The following CFAP299 variants were observed in gnomAD, a reference collection of about 807,000 sequenced individuals.
CFAP299 encodes the protein cilia and flagella associated protein 299.
CFAP299 carries 21 observed loss-of-function variants against 27.0 expected under a neutral mutation model. The observed-to-expected ratio is 0.78, with a 90% CI of 0.55 to 1.12. The LOEUF is 1.12. CFAP299 is among the 50% of genes most tolerant of loss of function. The pLI is 0.00. For missense variants in CFAP299, 310 were observed against 276.6 expected (o/e 1.12, Z -0.86); for synonymous variants, 104 against 98.1 (o/e 1.06, Z -0.36).
intron 2 of CFAP299, among the ~76,000 whole-genome samples, chr4:80,545,934 A>AAG (rs1474378303): frequency 6.7e-6 from 1 of 148,904 alleles, no homozygotes; most frequent in African/African-American, 2.4e-5. Context: ...CCTTGGATGA[A>AAG]AGATCGGTTC....
rs756899247 is a variant in CFAP299 at position 80,887,989 on chromosome 4, T to TA, written c.476+17861dup. On this transcript the variant is annotated intron_variant, in intron 4 of 5. Transcript: ENST00000358105. The stretch of plus-strand genomic sequence containing the variant: ...ATCATACAATGGGCATATAAAAAAA[T>TA]AAAAAAATAGGAAAGTAAAGTATAT... Among the ~76,000 whole-genome samples, 14 of 151,320 alleles carry TA rather than the reference T, an allele frequency of 9.3e-5. No homozygotes were observed. In the South Asian group the frequency reaches 2.7e-3, roughly 29 times the overall value.
At chr4:80,935,064 A>C (rs912650481) in intron 4 of CFAP299, among the ~76,000 whole-genome samples, 1 of 151,916 alleles carries the variant, frequency 6.6e-6, no homozygotes, top group East Asian at 1.9e-4. Flanking sequence ...TTGGTATAGC[A>C]TGTTTCCATT....
chr4:80,382,008 G>A (rs1724725718), intron 2 of CFAP299, among the ~76,000 whole-genome samples: 1 of 152,140 alleles, frequency 6.6e-6, no homozygotes, highest in Admixed American at 6.6e-5. Context: ...TTTAAAAGAT[G>A]GAGAGAAAGA....
At chr4:80,785,301 T>C (rs1375175215) in intron 3 of CFAP299, among the ~76,000 whole-genome samples, 3 of 152,144 alleles carry the variant, frequency 2.0e-5, no homozygotes, top group Non-Finnish European at 4.4e-5. Flanking sequence ...ACTATGATTA[T>C]ACTTTCATGG....
chr4:80,753,545 A>T (rs74570030), intron 3 of CFAP299, among the ~76,000 whole-genome samples: 1,643 of 152,140 alleles, frequency 0.011, 31 homozygotes, highest in African/African-American at 0.036. Flanking sequence ...TAATTTTGGA[A>T]AATTCTCAGC....
intron 3 of CFAP299, among the ~76,000 whole-genome samples, chr4:80,681,044 A>G (rs1307711682): frequency 6.6e-6 from 1 of 152,106 alleles, no homozygotes; most frequent in Admixed American, 6.6e-5. Context: ...AGGCAAGGGA[A>G]GAAGGCTTTT....
At position 80,799,503 on chromosome 4, in the gene CFAP299, T is replaced by A. The variant is rs866916153; in HGVS notation, c.334-70490T>A. Among the ~76,000 whole-genome samples the A allele has an allele frequency of 1.4e-3, 110 of 81,112 alleles. 2 individuals are homozygous for A. Among genetic ancestry groups the A allele is most frequent in the African/African-American group, 4.3e-3 (86 of 20,132 alleles). The allele number at this position is 81,112 out of a possible 152,430, so 53.2% of individuals were successfully genotyped here. On this transcript the variant is annotated intron_variant, in intron 3 of 5. Transcript: ENST00000358105. ...TTTATTAAATATATATAATATATTTTATAAATGTATATTTATATAATATAT... is the reference window on the plus strand; with the variant it reads ...TTTATTAAATATATATAATATATTTAATAAATGTATATTTATATAATATAT...
Position 80,558,036 on chromosome 4 carries a change from C to T in CFAP299, c.243-25057C>T, listed in dbSNP as rs567998496. 2.6e-5 allele frequency among the ~76,000 whole-genome samples: 4 copies of T among 152,222 alleles called. No individual in the cohort carries two copies. In the East Asian group the frequency reaches 7.7e-4, roughly 29 times the overall value. The stretch of plus-strand genomic sequence containing the variant: ...GAAAGCCTCACATTTTTTATTACTA[C>T]TTACTCCAAGTGAATGTCACTTAAT... On this transcript the variant is annotated intron_variant, in intron 2 of 5. Transcript: ENST00000358105.
intron 3 of CFAP299, among the ~76,000 whole-genome samples, chr4:80,751,351 GGT>G (rs1724918612): frequency 6.6e-6 from 1 of 152,114 alleles, no homozygotes; most frequent in African/African-American, 2.4e-5. Context: ...TGGTAGAGCT[GGT>G]GTGCTATGTT....
At chr4:80,909,843 A>G (rs1210546327) in intron 4 of CFAP299, among the ~76,000 whole-genome samples, 1 of 152,158 alleles carries the variant, frequency 6.6e-6, no homozygotes, top group Admixed American at 6.5e-5. Context: ...TTTTTCTGAA[A>G]CAAGCTTGCA....
At position 80,938,626 on chromosome 4, in the gene CFAP299, T is replaced by C. The variant is rs187742089; in HGVS notation, c.477-6184T>C. ...ACCCCTGATTTCCCACTCCACACCT[T>C]TATATTTCTGTGTGTGTGTCTTTAA... On this transcript the variant is annotated intron_variant, in intron 4 of 5. Coordinates refer to ENST00000358105, the MANE Select transcript of CFAP299 (RefSeq NM_152770.3). 4.1e-3 allele frequency among the ~76,000 whole-genome samples: 618 copies of C among 152,236 alleles called. 1 individual carries two copies. The highest frequency in any genetic ancestry group is 0.014 in the Middle Eastern group (4 of 294).
chr4:80,665,473 G>T (rs1006447182), intron 3 of CFAP299, among the ~76,000 whole-genome samples: 2 of 151,776 alleles, frequency 1.3e-5, no homozygotes, highest in East Asian at 3.9e-4. Context: ...GTTCTTCTCT[G>T]TGTCCAGCTG....
At chr4:80,886,012 C>T (rs1733952363) in intron 4 of CFAP299, among the ~76,000 whole-genome samples, 1 of 152,100 alleles carries the variant, frequency 6.6e-6, no homozygotes, top group African/African-American at 2.4e-5. Flanking sequence ...TAACATTCAC[C>T]ACAAGCTGAC....
chr4:80,579,090 C>T (rs1229373188), intron 2 of CFAP299, among the ~76,000 whole-genome samples: 7 of 152,112 alleles, frequency 4.6e-5, no homozygotes, highest in African/African-American at 1.2e-4. Context: ...TTTTCAGTCT[C>T]ATATTCAAGA....
At chr4:80,743,419 G>A (rs1724398186) in intron 3 of CFAP299, among the ~76,000 whole-genome samples, 1 of 152,052 alleles carries the variant, frequency 6.6e-6, no homozygotes, top group Non-Finnish European at 1.5e-5. Context: ...TTTGTGGTTA[G>A]CTTTTGACAT....
chr4:80,418,771 G>T (rs1039051), intron 2 of CFAP299, among the ~76,000 whole-genome samples: 142,012 of 152,248 alleles, frequency 0.93, 66,929 homozygotes, highest in East Asian at 1. Flanking sequence ...TGGGCTTATT[G>T]TATTTAACAT....
At chr4:80,350,732 A>G (rs1413570592) in intron 1 of CFAP299, among the ~76,000 whole-genome samples, 3 of 152,156 alleles carry the variant, frequency 2.0e-5, no homozygotes, top group Non-Finnish European at 2.9e-5. Flanking sequence ...GAGCTGAACA[A>G]TGAGAACGCA....
chr4:80,365,508 G>A (rs1186900367), intron 2 of CFAP299, among the ~76,000 whole-genome samples: 3 of 152,274 alleles, frequency 2.0e-5, no homozygotes, highest in African/African-American at 4.8e-5. Context: ...TGAGAAAGGG[G>A]CATTCTGCTT....
At chr4:80,659,439 C>T (rs917263668) in intron 3 of CFAP299, among the ~76,000 whole-genome samples, 1 of 151,740 alleles carries the variant, frequency 6.6e-6, no homozygotes, top group African/African-American at 2.4e-5. Context: ...TAAAAAGAAT[C>T]TTATAATTTG....
Sources: gnomAD v4.1 joint callset for allele counts (sites outside exome capture counted in the v4.1 genomes callset) on GRCh38, gnomAD v4.1.1 for gene constraint, MANE v1.5 for transcripts, NCBI Gene and HGNC (gene_info 2026-07-23, HGNC 2026-07-21) for gene names.